The following PDE5A variants were observed in gnomAD, a reference collection of about 807,000 sequenced individuals.
The protein encoded by PDE5A is cGMP-specific 3',5'-cyclic phosphodiesterase.
Under a neutral mutation model 110.2 loss-of-function variants are expected in PDE5A, and 67 were observed. The ratio of observed to expected loss-of-function variants is 0.61; its 90% CI spans 0.50 to 0.75. The LOEUF (loss-of-function observed/expected upper bound fraction) is 0.75. PDE5A is among the 30% of genes least tolerant of loss of function. PDE5A has a pLI of 0.00. For synonymous variants in PDE5A, 328 were observed against 351.2 expected (o/e 0.93, Z 0.74); for missense variants, 862 against 1,045.1 (o/e 0.82, Z 2.42).
intron 11 of PDE5A, among the ~76,000 whole-genome samples, chr4:119,534,842 A>T (rs888499355): frequency 6.6e-6 from 1 of 152,150 alleles, no homozygotes; most frequent in Non-Finnish European, 1.5e-5. Flanking sequence ...ACCTGCAGCA[A>T]TCACACACAT....
At chr4:119,542,855 A>G (rs138099660) in intron 9 of PDE5A, among the ~76,000 whole-genome samples, 1 of 152,252 alleles carries the variant, frequency 6.6e-6, no homozygotes, top group Non-Finnish European at 1.5e-5. Flanking sequence ...CTGGCGTTCA[A>G]AAAATCCTAG....
At chr4:119,589,694 C>T (rs1210882380) in intron 3 of PDE5A, among the ~76,000 whole-genome samples, 2 of 152,106 alleles carry the variant, frequency 1.3e-5, no homozygotes, top group Non-Finnish European at 2.9e-5. Flanking sequence ...ATGAAACATG[C>T]TCCTGTAACT....
intron 3 of PDE5A, among the ~76,000 whole-genome samples, chr4:119,577,628 T>A (rs1324131841): frequency 1.3e-5 from 2 of 152,104 alleles, no homozygotes; most frequent in African/African-American, 2.4e-5. Flanking sequence ...CTTTGACAAA[T>A]TTCAACAACC....
chr4:119,539,728 G>A (rs1160917675), intron 10 of PDE5A, among the ~76,000 whole-genome samples: 2 of 152,026 alleles, frequency 1.3e-5, no homozygotes, highest in Non-Finnish European at 1.5e-5. Flanking sequence ...ACCTATACAC[G>A]TTCCATTACT....
At chr4:119,548,133 C>T (rs1727202459) in intron 9 of PDE5A, 1 of 147,722 alleles carries the variant, frequency 6.8e-6, no homozygotes. Flanking sequence ...ACTGCAAGCT[C>T]CGCCTCCCAG....
chr4:119,564,809 AT>A (rs1162160125), intron 5 of PDE5A, among the ~76,000 whole-genome samples: 1 of 152,164 alleles, frequency 6.6e-6, no homozygotes, highest in Non-Finnish European at 1.5e-5. Context: ...GGAAAAGTTC[AT>A]CATGGTTGTA....
chr4:119,619,721 C>T (rs949985072), intron 1 of PDE5A, among the ~76,000 whole-genome samples: 1 of 152,176 alleles, frequency 6.6e-6, no homozygotes, highest in African/African-American at 2.4e-5. Flanking sequence ...TGGTAAACTA[C>T]TGAAAATTAC....
At chr4:119,556,227 T>C (rs1325469024) in intron 7 of PDE5A, among the ~76,000 whole-genome samples, 1 of 152,198 alleles carries the variant, frequency 6.6e-6, no homozygotes, top group African/African-American at 2.4e-5. Context: ...AGTGGCTTAG[T>C]ATTGCCATCT....
chr4:119,566,874 T>C (rs1176742753), intron 4 of PDE5A, among the ~76,000 whole-genome samples, 199 bp downstream of exon 4: 1 of 152,230 alleles, frequency 6.6e-6, no homozygotes, highest in African/African-American at 2.4e-5. Context: ...GGGTTTCTGC[T>C]GACTGAATAA....
rs146319379 is a variant in PDE5A at position 119,556,252 on chromosome 4, C to T, written c.1200-2506G>A. On this transcript the variant is annotated intron_variant, in intron 7 of 20. Coordinates refer to ENST00000354960, the MANE Select transcript of PDE5A (RefSeq NM_001083.4). ...TATTGCCATCTGGCTAAGTTCTAGA[C>T]AACAGGATGTAAGAGTAAATGTCTG... 7.7e-3 allele frequency among the ~76,000 whole-genome samples: 1,173 copies of T among 152,294 alleles called. 18 individuals carry two copies. Among genetic ancestry groups the T allele is most frequent in the African/African-American group, 0.027 (1,112 of 41,564 alleles).
chr4:119,521,578 A>G (rs1429288417), intron 12 of PDE5A, among the ~76,000 whole-genome samples: 1 of 151,986 alleles, frequency 6.6e-6, no homozygotes, highest in East Asian at 1.9e-4. Flanking sequence ...GTAACAAGGT[A>G]TATAGCACAT....
intron 2 of PDE5A, among the ~76,000 whole-genome samples, chr4:119,606,472 T>C (rs1315972465): frequency 6.6e-6 from 1 of 152,098 alleles, no homozygotes; most frequent in Non-Finnish European, 1.5e-5. Context: ...AAAAACAAGA[T>C]GAGATTTCCT....
chr4:119,507,984 A>G (rs573977532), intron 15 of PDE5A, among the ~76,000 whole-genome samples: 18 of 152,052 alleles, frequency 1.2e-4, no homozygotes, highest in Non-Finnish European at 7.4e-5. Context: ...TCTAATAGCT[A>G]TCCTTTTCCG....
chr4:119,626,545 C>A (rs1308624336), intron 1 of PDE5A, among the ~76,000 whole-genome samples: 1 of 152,172 alleles, frequency 6.6e-6, no homozygotes, highest in African/African-American at 2.4e-5. Context: ...GTTCTCTGGC[C>A]CCCTGATCAT....
In PDE5A at chr4:119,619,228, T is replaced by C. The variant is rs553560342; in HGVS notation, c.152+9292A>G. 1.3e-3 allele frequency among the ~76,000 whole-genome samples: 205 copies of C among 152,326 alleles called. 2 individuals carry two copies. Among genetic ancestry groups the C allele is most frequent in the African/African-American group, 4.8e-3 (199 of 41,578 alleles). On this transcript the variant is annotated intron_variant, in intron 1 of 20. Transcript: ENST00000354960. ...TTATTTTATACAGTTTCAGTTACGT[T>C]GTTTGCATAATTTGACCTGGATCCA...
intron 4 of PDE5A, 143 bp from the exon 5 acceptor site, chr4:119,565,553 T>C: frequency 6.3e-6 from 4 of 630,594 alleles, no homozygotes; most frequent in South Asian, 6.1e-5. Context: ...TGATATAAAC[T>C]AAGTCTTAGC....
chr4:119,628,613 T>G lies in PDE5A; in HGVS notation c.59A>C (p.Gln20Pro), dbSNP rs199626641. The change falls in exon 1 of 21, where the codon CAG becomes CCG. Residue 20 changes from glutamine to proline, a missense_variant. By Grantham distance (76) the Gln-to-Pro change is moderately conservative. Transcript: ENST00000354960. Reference sequence around the variant, plus strand: ...GTCCTGATCCCTCTGCTGCTGCTTCTGCTGCTGGGGCTGCTGCTGCTGTCG... The same window carrying G: ...GTCCTGATCCCTCTGCTGCTGCTTCGGCTGCTGGGGCTGCTGCTGCTGTCG... ...QQRQQQQPQQ[Q>P]KQQQRDQDSV... The G allele has an allele frequency of 7.4e-6, 12 of 1,613,852 alleles. No individual in the cohort carries two copies. The highest frequency in any genetic ancestry group is 1.3e-5 in the African/African-American group (1 of 74,942).
chr4:119,605,370 G>A (rs1729490141), intron 2 of PDE5A, among the ~76,000 whole-genome samples: 2 of 152,144 alleles, frequency 1.3e-5, no homozygotes, highest in African/African-American at 4.8e-5. Flanking sequence ...CCTCTGGCCA[G>A]GCATGGTGGC....
chr4:119,588,429 A>G (rs538219870), intron 3 of PDE5A, among the ~76,000 whole-genome samples: 42 of 151,432 alleles, frequency 2.8e-4, no homozygotes, highest in African/African-American at 9.0e-4. Flanking sequence ...CACCCCCCTT[A>G]GCCTCCCAAA....
Sources: gnomAD v4.1 joint callset for allele counts (sites outside exome capture counted in the v4.1 genomes callset) on GRCh38, gnomAD v4.1.1 for gene constraint, MANE v1.5 for transcripts, NCBI Gene and HGNC (gene_info 2026-07-23, HGNC 2026-07-21) for gene names.